AFAP1: variants seen among roughly 807,000 people sequenced by gnomAD.
AFAP1 encodes the protein actin filament-associated protein 1.
A neutral mutation model predicts 93.9 loss-of-function variants in AFAP1; 75 were observed. The ratio of observed to expected loss-of-function variants is 0.80; its 90% confidence interval spans 0.66 to 0.97. AFAP1 has a LOEUF of 0.97. Ranked by LOEUF, AFAP1 falls within the 50% of genes least tolerant of loss-of-function variation. The pLI, the probability that AFAP1 is intolerant of heterozygous loss-of-function variation, is 0.00. For missense variants in AFAP1, 1,201 were observed against 1,050.8 expected, an observed-to-expected ratio of 1.14 and a Z score of -1.98; for synonymous variants, 517 against 430.7, an observed-to-expected ratio of 1.20 and a Z score of -2.48.
rs1471893449 is a variant in AFAP1 at position 7,778,859 on chromosome 4, G to A, written c.1800C>T (p.Pro600=). The change falls in exon 14 of 18, where the codon CCC becomes CCT. Residue 600 remains proline, a synonymous_variant. Transcript: ENST00000420658. ...GLNSQLKGKK[P]PVASNGVTGK... is the part of the protein sequence containing the mutation. ...CTGTGACCCCATTAGACGCCACGGG[G>A]GGCTTTTTACCCTTGAGCTGTTGAA... 1 of 1,613,468 alleles carries A rather than the reference G, an allele frequency of 6.2e-7. No individual in the cohort carries two copies.
intron 12 of AFAP1, among the ~76,000 whole-genome samples, chr4:7,785,546 T>C (rs1717181501): frequency 6.6e-6 from 1 of 152,198 alleles, no homozygotes; most frequent in Non-Finnish European, 1.5e-5. Flanking sequence ...TGATAACCTA[T>C]ACTGTGCTAT....
chr4:7,882,719 C>T (rs957345949), intron 1 of AFAP1, among the ~76,000 whole-genome samples: 4 of 152,070 alleles, frequency 2.6e-5, no homozygotes, highest in African/African-American at 4.8e-5. Flanking sequence ...ATTAGCAGGG[C>T]GTGGTGGCAC....
At position 7,763,468 on chromosome 4, in the gene AFAP1, C is replaced by T. The variant is rs1714098460; in HGVS notation, c.*297G>A. The T allele has an allele frequency of 2.4e-6, 1 of 409,782 alleles. No individual in the cohort carries two copies. Among genetic ancestry groups the T allele is most frequent in the African/African-American group, 2.0e-5 (1 of 49,046 alleles). 25.4% of individuals were successfully genotyped at this position (409,782 alleles called of 1,614,324 possible). A position where few individuals can be genotyped will look rare whatever the true frequency, so the allele number is the denominator to read the frequency against. ...GGAATCGGTGAAAGCAATGGCCTAT[C>T]TGGTTAGAAAGATGTCACTTCGCCT... On this transcript the variant is annotated 3_prime_UTR_variant, in exon 18 of 18. Transcript: ENST00000420658.
intron 4 of AFAP1, chr4:7,843,624 T>G: frequency 5.6e-6 from 2 of 358,386 alleles, no homozygotes; most frequent in Non-Finnish European, 1.0e-5. Context: ...GACCCCACGC[T>G]GACCCGACAC....
chr4:7,836,357 A>G (rs943372843), intron 6 of AFAP1, among the ~76,000 whole-genome samples: 2 of 152,252 alleles, frequency 1.3e-5, no homozygotes, highest in Non-Finnish European at 2.9e-5. Context: ...AATGCTGACA[A>G]CAGGCAGCTC....
chr4:7,855,237 AC>A (rs1240703882), intron 4 of AFAP1, among the ~76,000 whole-genome samples: 1 of 152,134 alleles, frequency 6.6e-6, no homozygotes, highest in Non-Finnish European at 1.5e-5. Flanking sequence ...AGCTTTCACT[AC>A]CTCTGAGTCA....
chr4:7,905,041 G>A (rs1026949287), intron 1 of AFAP1, among the ~76,000 whole-genome samples: 1 of 152,174 alleles, frequency 6.6e-6, no homozygotes, highest in Non-Finnish European at 1.5e-5. Context: ...TCAGAGCAGT[G>A]AGCAGGGAGA....
At chr4:7,796,092 T>C (rs7695250) in intron 10 of AFAP1, among the ~76,000 whole-genome samples, 16,504 of 152,208 alleles carry the variant, frequency 0.11, 1,384 homozygotes, top group East Asian at 0.48. Flanking sequence ...TCCACACATC[T>C]GTTTCTAGCG....
intron 10 of AFAP1, chr4:7,798,950 T>C: frequency 1.0e-6 from 1 of 986,972 alleles, no homozygotes; most frequent in African/African-American, 1.7e-5. Context: ...AGATCTGCTG[T>C]CAGAGCTCTC....
At chr4:7,781,761 T>C (rs779345347) in intron 12 of AFAP1, 134 bp from the exon 13 acceptor site, 81 of 1,202,902 alleles carry the variant, frequency 6.7e-5, no homozygotes, top group Non-Finnish European at 8.8e-5. Flanking sequence ...GCACACAGAC[T>C]GCAGTTGTTA....
Position 7,835,329 on chromosome 4 carries a change from C to T in AFAP1, c.726+3195G>A, listed in dbSNP as rs375489263. Among the ~76,000 whole-genome samples, 25 of 52,646 alleles carry T rather than the reference C, an allele frequency of 4.7e-4. 2 individuals carry two copies. In the South Asian group the frequency reaches 0.013, roughly 27 times the overall value. 34.5% of individuals were successfully genotyped at this position (52,646 alleles called of 152,430 possible). A position where few individuals can be genotyped will look rare whatever the true frequency, so the allele number is the denominator to read the frequency against. ...ACCTGGGTGGCTCTTGAATGGACTG[C>T]GGGCGGCCTCAAGGTTACCTGGGTG... On this transcript the variant is annotated intron_variant, in intron 6 of 17. Coordinates refer to ENST00000420658, the MANE Select transcript of AFAP1 (RefSeq NM_001134647.2).
At chr4:7,879,106 C>T (rs533085974) in intron 1 of AFAP1, among the ~76,000 whole-genome samples, 11 of 152,290 alleles carry the variant, frequency 7.2e-5, no homozygotes, top group African/African-American at 2.4e-4. Flanking sequence ...ACCCAACTTC[C>T]TCAATGTACT....
chr4:7,899,466 A>C (rs1374480033), intron 1 of AFAP1, among the ~76,000 whole-genome samples: 1 of 152,240 alleles, frequency 6.6e-6, no homozygotes, highest in African/African-American at 2.4e-5. Context: ...AAACAAGGGC[A>C]GGATCACAAA....
chr4:7,887,595 G>A (rs951231818), intron 1 of AFAP1, among the ~76,000 whole-genome samples: 47 of 152,168 alleles, frequency 3.1e-4, no homozygotes, highest in African/African-American at 1.1e-3. Context: ...CATTTGGAAT[G>A]AGCATTTATG....
At chr4:7,770,397 G>T (rs1310541849) in intron 16 of AFAP1, among the ~76,000 whole-genome samples, 1 of 152,164 alleles carries the variant, frequency 6.6e-6, no homozygotes, top group African/African-American at 2.4e-5. Flanking sequence ...AATGCCGGGG[G>T]TCACCATGAT....
Position 7,809,654 on chromosome 4 carries a change from G to C in AFAP1, c.1014C>G (p.Asp338Glu), listed in dbSNP as rs201681005. 3.6e-5 allele frequency: 58 copies of C among 1,613,836 alleles called. No individual in the cohort carries two copies. Among genetic ancestry groups the C allele is most frequent in the Admixed American group, 1.8e-4 (11 of 59,966 alleles). Residue 338 changes from aspartate (D) to glutamate (E), a missense_variant, in exon 9 of 18, where the codon GAC (aspartate) becomes GAG (glutamate). Asp to Glu is a conservative substitution (Grantham distance 45). Coordinates refer to ENST00000420658, the MANE Select transcript of AFAP1 (RefSeq NM_001134647.2). ...CTTCCTCAGCTGAGGAGGTCTGCTC[G>C]TCTGTGGACGGCTTTTTCTTTCCCA... ...ISLGKKKPSTDEQTSSAEEDV... is the reference protein window; with the variant it reads ...ISLGKKKPSTEEQTSSAEEDV...
intron 9 of AFAP1, among the ~76,000 whole-genome samples, chr4:7,809,048 C>T (rs967224984): frequency 8.2e-6 from 1 of 121,300 alleles, no homozygotes; most frequent in Non-Finnish European, 1.6e-5. Context: ...GATAAGGAAG[C>T]TTAGTTTTGT....
intron 6 of AFAP1, among the ~76,000 whole-genome samples, chr4:7,836,088 G>C (rs1712266503): frequency 6.6e-6 from 1 of 152,096 alleles, no homozygotes; most frequent in Non-Finnish European, 1.5e-5. Context: ...CTACTTCACA[G>C]TGTATGCAAA....
At chr4:7,846,192 G>A (rs28628036) in intron 4 of AFAP1, among the ~76,000 whole-genome samples, 280 of 152,320 alleles carry the variant, frequency 1.8e-3, no homozygotes, top group African/African-American at 6.5e-3. Flanking sequence ...AGGAGCAGGG[G>A]GCTTCAGGGA....
Sources: gnomAD v4.1 joint callset for allele counts (sites outside exome capture counted in the v4.1 genomes callset) on GRCh38, gnomAD v4.1.1 for gene constraint, MANE v1.5 for transcripts, NCBI Gene and HGNC (gene_info 2026-07-23, HGNC 2026-07-21) for gene names.